SCYGR5: variants seen among roughly 807,000 people sequenced by gnomAD.
SCYGR5 encodes small cysteine and glycine repeat containing 5, also known as small cysteine and glycine repeat-containing protein 5.
exon 1 of SCYGR5, chr2:227,666,956 A>T (rs755473582): frequency 1.3e-4 from 51 of 394,700 alleles, no homozygotes; most frequent in Middle Eastern, 6.2e-4. Flanking sequence ...GCTGCAGCAC[A>T]CCTGTGATCT....
exon 1 of SCYGR5, chr2:227,666,944 C>T (rs931510016): frequency 2.0e-5 from 8 of 394,916 alleles, no homozygotes; most frequent in Admixed American, 1.8e-4. Flanking sequence ...GCTGTGGGGG[C>T]TGCTGCAGCA....
At chr2:227,666,977 C>A (rs1035421469) in exon 1 of SCYGR5, 19 of 394,948 alleles carry the variant, frequency 4.8e-5, no homozygotes, top group Non-Finnish European at 7.5e-5. Context: ...GCTGCTGCCG[C>A]CGCACCTGCT....
exon 1 of SCYGR5, chr2:227,666,892 G>A (rs541472351): frequency 3.8e-5 from 15 of 399,746 alleles, no homozygotes; most frequent in Middle Eastern, 6.3e-4. Context: ...AGGTGCTACC[G>A]GGTGGGCTGC....
chr2:227,666,937 G>T (rs1397957881), exon 1 of SCYGR5: 1 of 395,124 alleles, frequency 2.5e-6, no homozygotes, highest in Non-Finnish European at 4.4e-6. Context: ...CGCGGCTGCT[G>T]TGGGGGCTGC....
At chr2:227,666,886 G>A (rs111435167) in exon 1 of SCYGR5, 165 of 400,086 alleles carry the variant, frequency 4.1e-4, no homozygotes, top group East Asian at 2.5e-3. Flanking sequence ...ACCTGCAGGT[G>A]CTACCGGGTG....
chr2:227,667,048 A>G (rs1694715989), exon 1 of SCYGR5: 1 of 399,170 alleles, frequency 2.5e-6, no homozygotes, highest in African/African-American at 2.1e-5. Flanking sequence ...TGCCAGAAGC[A>G]ATGCTGCTGC....
At chr2:227,667,000 G>A in exon 1 of SCYGR5, 3 of 399,260 alleles carry the variant, frequency 7.5e-6, no homozygotes, top group Non-Finnish European at 1.3e-5. Context: ...TCATGTGGCT[G>A]CGGCTGTGGG....
exon 1 of SCYGR5, chr2:227,667,007 T>G (rs528923122): frequency 6.8e-5 from 27 of 399,158 alleles, no homozygotes; most frequent in African/African-American, 4.9e-4. Flanking sequence ...GCTGCGGCTG[T>G]GGGAAGGGCT....
At chr2:227,667,008 G>A (rs1028938954) in exon 1 of SCYGR5, 23 of 399,148 alleles carry the variant, frequency 5.8e-5, no homozygotes, top group African/African-American at 4.3e-4. Context: ...CTGCGGCTGT[G>A]GGAAGGGCTG....
chr2:227,666,960 G>A, exon 1 of SCYGR5: 1 of 395,046 alleles, frequency 2.5e-6, no homozygotes, highest in Non-Finnish European at 4.4e-6. Context: ...CAGCACACCT[G>A]TGATCTGCTG....
At chr2:227,666,872 C>T (rs2106306411) in exon 1 of SCYGR5, 1 of 400,946 alleles carries the variant, frequency 2.5e-6, no homozygotes. Flanking sequence ...GTGGCAGCTG[C>T]ACCACCTGCA....
chr2:227,666,840 G>A (rs1037225515), exon 1 of SCYGR5: 5 of 400,338 alleles, frequency 1.2e-5, no homozygotes, highest in African/African-American at 2.1e-5. Context: ...TGGTGGCTGC[G>A]GTGGCGGCTG....
In SCYGR5 at chr2:227,666,845, C is replaced by T. The variant is rs113193719; in HGVS notation, c.42C>T (p.Gly14=). Residue 14 remains glycine, a synonymous_variant, in exon 1 of 1, where the codon GGC becomes GGT. Coordinates refer to ENST00000641976, the Ensembl canonical transcript of SCYGR5. ...GTGGAGGTTGTGGTGGCTGCGGTGG[C>T]GGCTGTGGTGGTGGCTGTGGCAGCT... 744 of 398,850 alleles carry T rather than the reference C, an allele frequency of 1.9e-3. 1 individual carries two copies. The highest frequency in any genetic ancestry group is 0.011 in the South Asian group (90 of 7,956). 24.7% of individuals were successfully genotyped at this position (398,850 alleles called of 1,614,324 possible).
At chr2:227,666,827 T>C (rs1390302226) in exon 1 of SCYGR5, 4 of 392,204 alleles carry the variant, frequency 1.0e-5, no homozygotes, top group Non-Finnish European at 4.4e-6. Flanking sequence ...GTTGTGGAGG[T>C]TGTGGTGGCT....
At chr2:227,667,018 G>T (rs954680703) in exon 1 of SCYGR5, 17 of 399,194 alleles carry the variant, frequency 4.3e-5, no homozygotes, top group Non-Finnish European at 6.2e-5. Flanking sequence ...GGGAAGGGCT[G>T]TTGCCAGCAG....
At chr2:227,666,979 G>A (rs891590801) in exon 1 of SCYGR5, 4 of 395,026 alleles carry the variant, frequency 1.0e-5, no homozygotes, top group Non-Finnish European at 1.3e-5. Flanking sequence ...TGCTGCCGCC[G>A]CACCTGCTGC....
At position 227,666,828 on chromosome 2, in the gene SCYGR5, T is replaced by TGTGGTGGCTGCG. The variant is rs796078647; in HGVS notation, c.30_41dup (p.Gly18_Gly21dup). 764 of 399,834 alleles carry TGTGGTGGCTGCG rather than the reference T, an allele frequency of 1.9e-3. 5 individuals are homozygous for TGTGGTGGCTGCG. Among genetic ancestry groups the TGTGGTGGCTGCG allele is most frequent in the African/African-American group, 0.014 (688 of 48,146 alleles). The allele number at this position is 399,834 out of a possible 1,614,324, so 24.8% of individuals were successfully genotyped here. A position where few individuals can be genotyped will look rare whatever the true frequency, so the allele number is the denominator to read the frequency against. ...CATGGGTTGCTGTGGTTGTGGAGGT[T>TGTGGTGGCTGCG]GTGGTGGCTGCGGTGGCGGCTGTGG... is the stretch of plus-strand genomic sequence containing the variant. On this transcript the variant is annotated inframe_insertion, in exon 1 of 1. Transcript: ENST00000641976.
chr2:227,666,889 A>G (rs1424444209), exon 1 of SCYGR5: 2 of 395,988 alleles, frequency 5.1e-6, no homozygotes, highest in African/African-American at 4.4e-5. Flanking sequence ...TGCAGGTGCT[A>G]CCGGGTGGGC....
exon 1 of SCYGR5, chr2:227,666,887 C>G (rs955678763): frequency 9.8e-5 from 39 of 396,226 alleles, no homozygotes; most frequent in Non-Finnish European, 1.5e-4. Flanking sequence ...CCTGCAGGTG[C>G]TACCGGGTGG....
Sources: allele counts gnomAD v4.1 joint callset, GRCh38; gene constraint gnomAD v4.1.1; transcripts MANE v1.5; gene names NCBI Gene and HGNC (gene_info 2026-07-23, HGNC 2026-07-21).